TMC1: variants seen among roughly 807,000 people sequenced by gnomAD.
The protein encoded by TMC1 is transmembrane channel like 1.
TMC1 carries 84 observed loss-of-function variants against 105.8 expected under a neutral mutation model. The observed-to-expected ratio is 0.79, with a 90% confidence interval of 0.67 to 0.95. The LOEUF is 0.95. TMC1 is among the 40% of genes least tolerant of loss of function. The pLI is 0.00. For synonymous variants in TMC1, 315 were observed against 311.5 expected (o/e 1.01, Z -0.12); for missense variants, 817 against 914.1 (o/e 0.89, Z 1.37).
chr9:72,787,469 A>G (rs913822589), intron 13 of TMC1, among the ~76,000 whole-genome samples: 1 of 151,996 alleles, frequency 6.6e-6, no homozygotes, highest in African/African-American at 2.4e-5. Context: ...TATGACTATA[A>G]TATTTTAAAA....
chr9:72,540,716 C>T (rs1288763073), intron 1 of TMC1, among the ~76,000 whole-genome samples: 1 of 152,088 alleles, frequency 6.6e-6, no homozygotes, highest in Admixed American at 6.5e-5. Flanking sequence ...TTGACTATTA[C>T]AAACCAGGAG....
chr9:72,551,476 TCTC>T (rs1225038735), intron 1 of TMC1, among the ~76,000 whole-genome samples: 1 of 152,094 alleles, frequency 6.6e-6, no homozygotes, highest in Non-Finnish European at 1.5e-5. Flanking sequence ...TGCTGGGAAA[TCTC>T]CTTCCCCCTG....
At chr9:72,532,570 A>G (rs1243727475) in intron 1 of TMC1, among the ~76,000 whole-genome samples, 1 of 93,896 alleles carries the variant, frequency 1.1e-5, no homozygotes, top group African/African-American at 4.7e-5. Context: ...AAAAAAAAAA[A>G]AAAAAAAAAA....
chr9:72,713,246 G>T (rs1296797664), intron 8 of TMC1, among the ~76,000 whole-genome samples: 1 of 151,942 alleles, frequency 6.6e-6, no homozygotes, highest in Non-Finnish European at 1.5e-5. Flanking sequence ...TTTTTTTGTT[G>T]TGTCTCTGCC....
intron 4 of TMC1, among the ~76,000 whole-genome samples, chr9:72,646,164 A>T (rs1054194557): frequency 6.6e-6 from 1 of 152,148 alleles, no homozygotes; most frequent in Admixed American, 6.6e-5. Context: ...TTACATATCA[A>T]TGTACTGATG....
chr9:72,801,019 G>T (rs1247994702), intron 17 of TMC1, among the ~76,000 whole-genome samples: 1 of 152,146 alleles, frequency 6.6e-6, no homozygotes, highest in East Asian at 1.9e-4. Flanking sequence ...TGTTAGATAT[G>T]CACCCTCATT....
chr9:72,807,985 G>A (rs751024003), intron 18 of TMC1, among the ~76,000 whole-genome samples: 13 of 152,202 alleles, frequency 8.5e-5, no homozygotes, highest in Non-Finnish European at 1.5e-4. Context: ...ATCACCCTGT[G>A]ATTAGCACAT....
At chr9:72,526,739 G>A (rs1823413092) in intron 1 of TMC1, among the ~76,000 whole-genome samples, 1 of 152,190 alleles carries the variant, frequency 6.6e-6, no homozygotes, top group African/African-American at 2.4e-5. Context: ...ACACAAATGA[G>A]CATGAAGGGC....
intron 8 of TMC1, among the ~76,000 whole-genome samples, chr9:72,705,025 A>G (rs1315717927): frequency 6.6e-6 from 1 of 152,162 alleles, no homozygotes; most frequent in African/African-American, 2.4e-5. Context: ...TATTAATCAC[A>G]TCATTTAAAA....
intron 15 of TMC1, among the ~76,000 whole-genome samples, chr9:72,791,297 G>A (rs1828262958): frequency 6.6e-6 from 1 of 150,786 alleles, no homozygotes; most frequent in Non-Finnish European, 1.5e-5. Flanking sequence ...ATAACATTAT[G>A]TCATGTGTTC....
At chr9:72,720,578 TC>T (rs1156408572) in intron 8 of TMC1, among the ~76,000 whole-genome samples, 2 of 152,170 alleles carry the variant, frequency 1.3e-5, no homozygotes, top group African/African-American at 4.8e-5. Flanking sequence ...AGGTACAAGC[TC>T]CATTGGAATG....
intron 2 of TMC1, among the ~76,000 whole-genome samples, chr9:72,613,341 G>A (rs537277245): frequency 7.2e-5 from 11 of 151,958 alleles, no homozygotes; most frequent in Non-Finnish European, 1.5e-4. Context: ...GGCCAGGCTG[G>A]TCTTCAACTC....
Position 72,606,982 on chromosome 9 carries a change from C to CAT in TMC1, c.-305-9366_-305-9365dup, listed in dbSNP as rs144223921. On this transcript the variant is annotated intron_variant, in intron 2 of 23. Transcript: ENST00000297784. ...ATGTATGTATGTATGTGTGTGTGTG[C>CAT]ATATATATATATATATATATAGAGA... Among the ~76,000 whole-genome samples the CAT allele has an allele frequency of 9.9e-3, 1,411 of 141,968 alleles. 10 individuals are homozygous for CAT. Among genetic ancestry groups the CAT allele is most frequent in the Non-Finnish European group, 0.013 (863 of 65,276 alleles). The allele number at this position is 141,968 out of a possible 152,430, so 93.1% of individuals were successfully genotyped here. A position where few individuals can be genotyped will look rare whatever the true frequency, so the allele number is the denominator to read the frequency against.
intron 3 of TMC1, among the ~76,000 whole-genome samples, chr9:72,624,597 C>T (rs34265102): frequency 0.051 from 7,765 of 152,280 alleles, 240 homozygotes; most frequent in Non-Finnish European, 0.062. Flanking sequence ...TTCTTTGGGG[C>T]CACCTCAAGT....
intron 1 of TMC1, among the ~76,000 whole-genome samples, chr9:72,552,510 GA>G (rs1823874911): frequency 1.3e-5 from 2 of 152,126 alleles, no homozygotes; most frequent in African/African-American, 4.8e-5. Flanking sequence ...GTATTTGGGG[GA>G]CACATCACAG....
At chr9:72,834,140 G>T (rs1829083791) in intron 23 of TMC1, among the ~76,000 whole-genome samples, 2 of 147,432 alleles carry the variant, frequency 1.4e-5, no homozygotes, top group African/African-American at 2.5e-5. Context: ...CATTTCTCTT[G>T]GCCTTTTCAC....
At chr9:72,532,587 A>C (rs1425444403) in intron 1 of TMC1, among the ~76,000 whole-genome samples, 2 of 127,646 alleles carry the variant, frequency 1.6e-5, no homozygotes. Flanking sequence ...AAAAAAAAAA[A>C]CTTTACCGGA....
At position 72,789,178 on chromosome 9, in the gene TMC1, G is replaced by T; in HGVS notation, c.1085G>T (p.Arg362Ile). Residue 362 changes from arginine (R) to isoleucine (I), a missense_variant, in exon 15 of 24, where the codon AGA (arginine) becomes ATA (isoleucine). Physicochemically the swap from Arg to Ile is moderately conservative, Grantham distance 97 (BLOSUM62 -3). Transcript: ENST00000297784. The part of the protein sequence containing the change: ...AQVEENVHLI[R>I]FLRFLANFFV... ...GTAGAAGAAAACGTCCACTTGATCA[G>T]ATTCCTGAGGTTTCTGGCTAACTTC... 1 of 1,613,644 alleles carries T rather than the reference G, an allele frequency of 6.2e-7. No homozygotes were observed. Among genetic ancestry groups the T allele is most frequent in the African/African-American group, 1.3e-5 (1 of 75,030 alleles).
chr9:72,530,514 C>T (rs1024363187), intron 1 of TMC1, among the ~76,000 whole-genome samples: 16 of 151,250 alleles, frequency 1.1e-4, no homozygotes, highest in Admixed American at 2.0e-4. Context: ...CGCTTGAACC[C>T]GGGAGGTGGA....
Sources: gnomAD v4.1 joint callset for allele counts (sites outside exome capture counted in the v4.1 genomes callset) on GRCh38, gnomAD v4.1.1 for gene constraint, MANE v1.5 for transcripts, NCBI Gene and HGNC (gene_info 2026-07-23, HGNC 2026-07-21) for gene names.